The following NTPCR variants were observed in gnomAD, a reference collection of about 807,000 sequenced individuals.
NTPCR encodes cancer-related nucleoside-triphosphatase.
A neutral mutation model predicts 19.5 loss-of-function variants in NTPCR; 15 were observed. The observed-to-expected ratio is 0.77, with a 90% confidence interval of 0.51 to 1.18. NTPCR has a LOEUF of 1.18. Ranked by LOEUF, NTPCR falls within the 50% of genes most tolerant of loss-of-function variation. The pLI is 0.00. For missense variants in NTPCR, 206 were observed against 240.4 expected (o/e 0.86, Z 0.95); for synonymous variants, 90 against 95.8 (o/e 0.94, Z 0.36).
At position 232,978,936 on chromosome 1, in the gene NTPCR, T is replaced by C. The variant is rs988201697; in HGVS notation, c.*705T>C. The C allele has an allele frequency of 1.3e-5, 2 of 152,044 alleles. No homozygotes were observed. The highest frequency in any genetic ancestry group is 2.9e-5 in the Non-Finnish European group (2 of 68,006). The allele number at this position is 152,044 out of a possible 1,614,324, so 9.4% of individuals were successfully genotyped here. A position where few individuals can be genotyped will look rare whatever the true frequency, so the allele number is the denominator to read the frequency against. ...TTTGCCTTAGTTTACTCGGGAGCAA[T>C]TTTGAATCTTTCTATGCCTAGTTTC... On this transcript the variant is annotated 3_prime_UTR_variant, in exon 5 of 5. Coordinates refer to ENST00000366628, the MANE Select transcript of NTPCR (RefSeq NM_032324.3).
chr1:232,971,781 C>A (rs1259467414), intron 4 of NTPCR, among the ~76,000 whole-genome samples: 1 of 152,140 alleles, frequency 6.6e-6, no homozygotes. Flanking sequence ...CAAGGGCGAT[C>A]AGGGAAGGTC....
At chr1:232,956,924 T>C (rs1474078948) in intron 3 of NTPCR, among the ~76,000 whole-genome samples, 2 of 152,246 alleles carry the variant, frequency 1.3e-5, no homozygotes, top group African/African-American at 4.8e-5. Context: ...CTACTTTGAA[T>C]GCCTTTTATT....
chr1:232,959,781 A>G (rs1291412167), intron 3 of NTPCR, among the ~76,000 whole-genome samples: 1 of 152,150 alleles, frequency 6.6e-6, no homozygotes, highest in African/African-American at 2.4e-5. Context: ...AGAAATTTCA[A>G]TATGTATGAG....
In NTPCR at chr1:232,980,620, G is replaced by A. The variant is rs528725824; in HGVS notation, c.*2389G>A. ...AGATGTCAGATGCAATCCCTGTATT[G>A]TAAGGCAATGACATTTAATGAAGGA... On this transcript the variant is annotated 3_prime_UTR_variant, in exon 5 of 5. Transcript: ENST00000366628. 8.5e-5 allele frequency: 13 copies of A among 152,322 alleles called. No homozygotes were observed. In the East Asian group the frequency reaches 2.5e-3, roughly 29 times the overall value. 9.4% of individuals were successfully genotyped at this position (152,322 alleles called of 1,614,324 possible).
At chr1:232,973,840 T>C (rs1669054421) in intron 4 of NTPCR, among the ~76,000 whole-genome samples, 1 of 152,204 alleles carries the variant, frequency 6.6e-6, no homozygotes, top group African/African-American at 2.4e-5. Flanking sequence ...ATCAGTGAAC[T>C]TGAAGGTAGA....
intron 4 of NTPCR, among the ~76,000 whole-genome samples, chr1:232,976,076 G>A (rs887506282): frequency 6.6e-6 from 1 of 152,138 alleles, no homozygotes; most frequent in African/African-American, 2.4e-5. Context: ...TAATCTTAGG[G>A]AAATCAAAGG....
rs769376379 is a variant in NTPCR at position 232,982,321 on chromosome 1, T to C, written c.*4090T>C. The stretch of plus-strand genomic sequence containing the variant: ...TGGGGTGACTCCAATACTGCCACCT[T>C]TTCTCTGTGGGTGCAGTTGCCTGCG... On this transcript the variant is annotated 3_prime_UTR_variant, in exon 5 of 5. Transcript: ENST00000366628. The C allele has an allele frequency of 6.6e-6, 1 of 152,210 alleles. No individual in the cohort carries two copies. The highest frequency in any genetic ancestry group is 1.5e-5 in the Non-Finnish European group (1 of 68,036). 9.4% of individuals were successfully genotyped at this position (152,210 alleles called of 1,614,324 possible). A position where few individuals can be genotyped will look rare whatever the true frequency, so the allele number is the denominator to read the frequency against.
chr1:232,972,806 A>G (rs988394046), intron 4 of NTPCR, among the ~76,000 whole-genome samples: 1 of 152,232 alleles, frequency 6.6e-6, no homozygotes, highest in African/African-American at 2.4e-5. Context: ...CTCACATGCA[A>G]TAAAGTATCC....
intron 3 of NTPCR, chr1:232,966,995 A>G (rs1668836957): frequency 6.6e-6 from 1 of 152,252 alleles, no homozygotes; most frequent in African/African-American, 2.4e-5. Context: ...TCCTTACTCC[A>G]GCAGCTGTAG....
intron 4 of NTPCR, chr1:232,976,573 C>T: frequency 1.4e-6 from 2 of 1,475,774 alleles, no homozygotes; most frequent in Non-Finnish European, 1.8e-6. Context: ...AAAACAGCAT[C>T]AAAAAGCCTT....
At position 232,980,983 on chromosome 1, in the gene NTPCR, A is replaced by G. The variant is rs1263654115; in HGVS notation, c.*2752A>G. ...GATATGAGTCTCAGGGAGGAATTCAATTTGAAAAGCACAGAATTAACATGT... is the reference window on the plus strand; with the variant it reads ...GATATGAGTCTCAGGGAGGAATTCAGTTTGAAAAGCACAGAATTAACATGT... On this transcript the variant is annotated 3_prime_UTR_variant, in exon 5 of 5. Transcript: ENST00000366628. 3 of 152,218 alleles carry G rather than the reference A, an allele frequency of 2.0e-5. No individual in the cohort carries two copies. Among genetic ancestry groups the G allele is most frequent in the Non-Finnish European group, 4.4e-5 (3 of 68,028 alleles). 9.4% of individuals were successfully genotyped at this position (152,218 alleles called of 1,614,324 possible). A position where few individuals can be genotyped will look rare whatever the true frequency, so the allele number is the denominator to read the frequency against.
chr1:232,953,194 T>C (rs1668420769), intron 1 of NTPCR, among the ~76,000 whole-genome samples: 1 of 152,134 alleles, frequency 6.6e-6, no homozygotes, highest in African/African-American at 2.4e-5. Context: ...GTCCATCATG[T>C]TGTCACTGCC....
At chr1:232,973,353 A>T (rs530726797) in intron 4 of NTPCR, among the ~76,000 whole-genome samples, 1 of 152,224 alleles carries the variant, frequency 6.6e-6, no homozygotes, top group African/African-American at 2.4e-5. Flanking sequence ...ACACCCGAGA[A>T]CTCTTCCAGT....
intron 4 of NTPCR, among the ~76,000 whole-genome samples, chr1:232,974,104 C>G (rs1330589540): frequency 2.0e-5 from 3 of 152,116 alleles, no homozygotes; most frequent in Non-Finnish European, 2.9e-5. Flanking sequence ...CCAAGACATA[C>G]CATAGTCAAA....
chr1:232,959,623 A>G (rs1168981611), intron 3 of NTPCR, among the ~76,000 whole-genome samples: 1 of 152,240 alleles, frequency 6.6e-6, no homozygotes, highest in East Asian at 1.9e-4. Flanking sequence ...TGGGGAGTAT[A>G]AACACACCAT....
chr1:232,950,750 C>T lies in NTPCR; in HGVS notation c.34+6C>T, dbSNP rs191098443. 99 of 1,592,564 alleles carry T rather than the reference C, an allele frequency of 6.2e-5. 1 individual carries two copies. The East Asian group carries it at 2.1e-3, about 34-fold the overall frequency. ...GTTCCTAACGGGGCCCCCAGGTAAC[C>T]CTGAGGGGATCCCCACCTCCAAGAG... On this transcript the variant is annotated splice_donor_region_variant and intron_variant, in intron 1 of 4. Transcript: ENST00000366628.
At chr1:232,960,448 A>G (rs1251106876) in intron 3 of NTPCR, among the ~76,000 whole-genome samples, 2 of 150,716 alleles carry the variant, frequency 1.3e-5, no homozygotes, top group Non-Finnish European at 3.0e-5. Flanking sequence ...GGTTCAAGCG[A>G]TTCTTGTGCC....
intron 3 of NTPCR, among the ~76,000 whole-genome samples, chr1:232,959,437 G>A (rs938272492): frequency 1.3e-5 from 2 of 152,112 alleles, no homozygotes; most frequent in African/African-American, 2.4e-5. Context: ...TGTGAAAATG[G>A]ACTAATATAG....
At position 232,955,693 on chromosome 1, in the gene NTPCR, C is replaced by T. The variant is rs758896944; in HGVS notation, c.171C>T (p.Gly57=). The part of the protein sequence containing the change: ...RIGFDVVTLS[G]TRGPLSRVGL... ...GATTCGATGTCGTCACGTTGTCCGGCACCCGGGGGCCTTTATCGAGAGTTG... is the reference window on the plus strand; with the variant it reads ...GATTCGATGTCGTCACGTTGTCCGGTACCCGGGGGCCTTTATCGAGAGTTG... Residue 57 remains glycine (G), a synonymous_variant, in exon 2 of 5, where the codon GGC becomes GGT. Coordinates refer to ENST00000366628, the MANE Select transcript of NTPCR (RefSeq NM_032324.3). The T allele has an allele frequency of 1.9e-6, 3 of 1,613,870 alleles. No individual in the cohort carries two copies. Among genetic ancestry groups the T allele is most frequent in the African/African-American group, 1.3e-5 (1 of 74,906 alleles).
Sources: gnomAD v4.1 joint callset for allele counts (sites outside exome capture counted in the v4.1 genomes callset) on GRCh38, gnomAD v4.1.1 for gene constraint, MANE v1.5 for transcripts, NCBI Gene and HGNC (gene_info 2026-07-23, HGNC 2026-07-21) for gene names.